The following PPP2R2B variants were observed in gnomAD, a reference collection of about 807,000 sequenced individuals.
PPP2R2B encodes the protein serine/threonine-protein phosphatase 2A 55 kDa regulatory subunit B beta isoform.
In PPP2R2B, 5 loss-of-function variants were observed where a neutral mutation model predicts 46.0. That is an observed-to-expected ratio of 0.11 (90% CI 0.06 to 0.23). The LOEUF is 0.23. PPP2R2B is among the 10% of genes least tolerant of loss of function. PPP2R2B has a pLI of 1.00. For synonymous variants in PPP2R2B, 215 were observed against 206.7 expected (o/e 1.04, Z -0.34); for missense variants, 367 against 575.0 (o/e 0.64, Z 3.70).
chr5:146,900,684 T>C, intron 1 of PPP2R2B, among the ~76,000 whole-genome samples: 1 of 151,856 alleles, frequency 6.6e-6, no homozygotes, highest in African/African-American at 2.4e-5. Flanking sequence ...GGTTTGTTAC[T>C]TAGGTAAATG....
chr5:147,009,642 C>A (rs994387787), intron 1 of PPP2R2B, among the ~76,000 whole-genome samples: 5 of 152,086 alleles, frequency 3.3e-5, no homozygotes, highest in Non-Finnish European at 7.4e-5. Context: ...ATGCAAGCTA[C>A]ACCAAAAATT....
At chr5:146,908,114 G>C (rs1351619775) in intron 1 of PPP2R2B, among the ~76,000 whole-genome samples, 2 of 152,186 alleles carry the variant, frequency 1.3e-5, no homozygotes, top group Admixed American at 6.5e-5. Context: ...TTCCTCAAGT[G>C]ACTGGAGGTA....
intron 1 of PPP2R2B, among the ~76,000 whole-genome samples, chr5:146,889,077 G>A (rs1035145889): frequency 1.3e-5 from 2 of 152,178 alleles, no homozygotes; most frequent in Non-Finnish European, 2.9e-5. Context: ...ACAGTGCCTG[G>A]CACTACTAGT....
intron 7 of PPP2R2B, among the ~76,000 whole-genome samples, chr5:146,621,727 C>T (rs1308899893): frequency 6.6e-6 from 1 of 152,200 alleles, no homozygotes; most frequent in Admixed American, 6.5e-5. Context: ...GGCTATCCTT[C>T]CCTTCCACAG....
chr5:146,597,384 C>G (rs371317115), intron 8 of PPP2R2B, among the ~76,000 whole-genome samples: 1 of 152,126 alleles, frequency 6.6e-6, no homozygotes. Flanking sequence ...TTAGTTCACT[C>G]CTTCTAGTAT....
At chr5:147,073,822 G>A (rs1757676881) in intron 2 of PPP2R2B, among the ~76,000 whole-genome samples, 1 of 152,140 alleles carries the variant, frequency 6.6e-6, no homozygotes. Flanking sequence ...CAGATCACAA[G>A]GTCAAGAGTT....
At chr5:147,012,400 T>C (rs1754782434) in intron 1 of PPP2R2B, among the ~76,000 whole-genome samples, 1 of 151,984 alleles carries the variant, frequency 6.6e-6, no homozygotes, top group Non-Finnish European at 1.5e-5. Flanking sequence ...TGGTAGTTTG[T>C]ATTTCTGTGG....
intron 8 of PPP2R2B, among the ~76,000 whole-genome samples, chr5:146,598,295 CT>C (rs1486228410): frequency 6.6e-6 from 1 of 152,190 alleles, no homozygotes; most frequent in Non-Finnish European, 1.5e-5. Flanking sequence ...AAGACAGTTT[CT>C]CTATTTGGCT....
At chr5:146,958,201 A>G (rs73793312) in intron 1 of PPP2R2B, among the ~76,000 whole-genome samples, 2,762 of 152,240 alleles carry the variant, frequency 0.018, 93 homozygotes, top group African/African-American at 0.064. Context: ...CCATCTATGA[A>G]GAGAAGTACC....
Position 147,025,448 on chromosome 5 carries a change from C to T in PPP2R2B, c.79+30217G>A, listed in dbSNP as rs7727336. On this transcript the variant is annotated intron_variant, in intron 1 of 8. Transcript: ENST00000336640. ...GCATTACCCCAACGCTAAAGTCACGCGAAGACATTACAAATAAAAAAAAAA... is the reference window on the plus strand; with the variant it reads ...GCATTACCCCAACGCTAAAGTCACGTGAAGACATTACAAATAAAAAAAAAA... Among the ~76,000 whole-genome samples the T allele has an allele frequency of 3.6e-3, 545 of 150,992 alleles. 3 individuals carry two copies. The highest frequency in any genetic ancestry group is 0.011 in the African/African-American group (433 of 41,140).
At chr5:146,826,050 T>C (rs190734656) in intron 2 of PPP2R2B, among the ~76,000 whole-genome samples, 35 of 152,278 alleles carry the variant, frequency 2.3e-4, no homozygotes, top group African/African-American at 8.2e-4. Context: ...GCTGTAAAAT[T>C]TATATCCGGT....
chr5:147,020,569 G>T (rs1040082397), intron 1 of PPP2R2B, among the ~76,000 whole-genome samples: 2 of 152,072 alleles, frequency 1.3e-5, no homozygotes, highest in African/African-American at 4.8e-5. Context: ...AGACCAGGAG[G>T]GGTGGAGAAA....
At chr5:147,078,121 T>C (rs985940866) in intron 2 of PPP2R2B, among the ~76,000 whole-genome samples, 34 of 152,184 alleles carry the variant, frequency 2.2e-4, no homozygotes, top group African/African-American at 7.5e-4. Context: ...AATATCCTCA[T>C]AAGTAATGTA....
chr5:146,615,609 A>G (rs1316545668), intron 7 of PPP2R2B, among the ~76,000 whole-genome samples: 3 of 151,870 alleles, frequency 2.0e-5, no homozygotes, highest in Non-Finnish European at 4.4e-5. Flanking sequence ...AATGATCTCA[A>G]CAGCAAATAA....
intron 7 of PPP2R2B, among the ~76,000 whole-genome samples, chr5:146,627,497 T>G (rs750175558): frequency 6.6e-6 from 1 of 152,192 alleles, no homozygotes; most frequent in Non-Finnish European, 1.5e-5. Flanking sequence ...ATGGCAGAAT[T>G]AATTCTATGG....
chr5:146,993,843 C>T (rs1293421502), intron 1 of PPP2R2B, among the ~76,000 whole-genome samples: 1 of 151,812 alleles, frequency 6.6e-6, no homozygotes, highest in South Asian at 2.1e-4. Flanking sequence ...CACATATAAA[C>T]TAGATTCTGG....
At chr5:146,877,920 A>C in intron 2 of PPP2R2B, 82 bp downstream of exon 2, 1 of 1,493,788 alleles carries the variant, frequency 6.7e-7, no homozygotes, top group East Asian at 2.3e-5. Flanking sequence ...CTCCGCCACT[A>C]CGCGCCCAGC....
At chr5:146,801,879 A>T (rs747177126) in intron 2 of PPP2R2B, among the ~76,000 whole-genome samples, 1 of 152,232 alleles carries the variant, frequency 6.6e-6, no homozygotes, top group Non-Finnish European at 1.5e-5. Flanking sequence ...AGCTAAGCCC[A>T]AATTCGAAGA....
chr5:147,009,650 A>G (rs1754617504), intron 1 of PPP2R2B, among the ~76,000 whole-genome samples: 1 of 152,076 alleles, frequency 6.6e-6, no homozygotes, highest in African/African-American at 2.4e-5. Context: ...TACACCAAAA[A>G]TTTTAGAAAA....
Sources: gnomAD v4.1 joint callset for allele counts (sites outside exome capture counted in the v4.1 genomes callset) on GRCh38, gnomAD v4.1.1 for gene constraint, MANE v1.5 for transcripts, NCBI Gene and HGNC (gene_info 2026-07-23, HGNC 2026-07-21) for gene names.